TET2: variants seen among roughly 807,000 people sequenced by gnomAD.
TET2 encodes the protein tet methylcytosine dioxygenase 2.
In TET2, 299 loss-of-function variants were observed where a neutral mutation model predicts 142.9. The observed-to-expected ratio is 2.09, with a 90% CI of 1.90 to 2.30. The LOEUF is 2.30. Among genes scored for constraint, TET2 ranks in the 30% most tolerant of loss-of-function variants. TET2 has a pLI of 0.00. For missense variants in TET2, 2,418 were observed against 2,378.0 expected (o/e 1.02, Z -0.35); for synonymous variants, 819 against 849.0 (o/e 0.96, Z 0.61).
intron 3 of TET2, chr4:105,239,350 G>C: frequency 4.2e-6 from 1 of 240,428 alleles, no homozygotes; most frequent in East Asian, 6.4e-5. Context: ...GAAAGTCTTA[G>C]ATGGCACCTT....
Position 105,272,797 on chromosome 4 carries a change from G to GA in TET2, c.4419dup (p.Ala1474SerfsTer4). ...GCCGACAAAGGAAACTAGAAGCCAA[G>GA]AAAGCTGCAGCTGAAAAGCTTTCCT... On this transcript the variant is annotated frameshift_variant, in exon 10 of 11. Coordinates refer to ENST00000380013, the MANE Select transcript of TET2 (RefSeq NM_001127208.3). LOFTEE classifies it high-confidence loss of function. 6.4e-7 allele frequency: 1 copy of GA among 1,551,650 alleles called. No homozygotes were observed. Among genetic ancestry groups the GA allele is most frequent in the South Asian group, 1.2e-5 (1 of 84,062 alleles).
chr4:105,234,409 A>C lies in TET2; in HGVS notation c.467A>C (p.Gln156Pro). 6.2e-7 allele frequency: 1 copy of C among 1,614,052 alleles called. No individual in the cohort carries two copies. The highest frequency in any genetic ancestry group is 8.5e-7 in the Non-Finnish European group (1 of 1,180,002). ...DKKESVSSVA[Q>P]ENAVKDFTSF... ...AAAGAATCTGTGAGTTCTGTAGCCC[A>C]AGAAAATGCAGTTAAAGATTTCACC... The change falls in exon 3 of 11, where the codon CAA becomes CCA. Residue 156 changes from glutamine to proline, a missense_variant. Coordinates refer to ENST00000380013, the MANE Select transcript of TET2 (RefSeq NM_001127208.3).
At chr4:105,145,898 G>A (rs1287618753), upstream of TET2, 1 of 152,002 alleles carries the variant, frequency 6.6e-6, no homozygotes, top group Non-Finnish European at 1.5e-5. Context: ...GCCGGGGCGG[G>A]GAGAAACAGA....
chr4:105,265,605 A>G (rs1730646958), intron 8 of TET2, among the ~76,000 whole-genome samples: 1 of 152,302 alleles, frequency 6.6e-6, no homozygotes. Context: ...CCAAAGTTTT[A>G]TGAGGTTAGA....
intron 1 of TET2, among the ~76,000 whole-genome samples, chr4:105,147,271 G>A (rs151298498): frequency 2.6e-5 from 4 of 152,308 alleles, no homozygotes; most frequent in East Asian, 3.9e-4. Context: ...CGGTTTCCCG[G>A]CCTTTTTTAA....
chr4:105,244,880 G>A (rs1034560235), intron 6 of TET2, among the ~76,000 whole-genome samples: 11 of 152,172 alleles, frequency 7.2e-5, no homozygotes, highest in Non-Finnish European at 1.2e-4. Flanking sequence ...ATGAGCCGCC[G>A]CGCCTGGCCA....
At chr4:105,167,435 T>C (rs1422180026) in intron 1 of TET2, among the ~76,000 whole-genome samples, 2 of 151,908 alleles carry the variant, frequency 1.3e-5, no homozygotes, top group African/African-American at 2.4e-5. Flanking sequence ...ATGTAGTATA[T>C]GTACATGTAG....
At chr4:105,173,816 T>A (rs544200456) in intron 1 of TET2, among the ~76,000 whole-genome samples, 29 of 152,174 alleles carry the variant, frequency 1.9e-4, no homozygotes, top group Non-Finnish European at 4.1e-4. Flanking sequence ...CAAAGTGACA[T>A]ATAAACAAGA....
rs1417949048 is a variant in TET2 at position 105,241,057 on chromosome 4, T to C, written c.3410-282T>C. 2.8e-6 allele frequency: 3 copies of C among 1,068,828 alleles called. No individual in the cohort carries two copies. The African/African-American group carries it at 5.0e-5, about 18-fold the overall frequency. 66.2% of individuals were successfully genotyped at this position (1,068,828 alleles called of 1,614,324 possible). A position where few individuals can be genotyped will look rare whatever the true frequency, so the allele number is the denominator to read the frequency against. ...ATATAATACATTCTAATTCCCTCAC[T>C]GTATTCTTTGTTTAGTTTCATTTAT... On this transcript the variant is annotated intron_variant, in intron 3 of 10. Transcript: ENST00000380013.
chr4:105,214,470 C>CCT (rs1268228502), intron 2 of TET2, among the ~76,000 whole-genome samples: 1 of 130,580 alleles, frequency 7.7e-6, no homozygotes, highest in Non-Finnish European at 1.6e-5. Context: ...CCACACCTGG[C>CCT]ATTTTTTTTT....
chr4:105,186,160 G>A (rs1298198509), intron 1 of TET2, among the ~76,000 whole-genome samples: 1 of 152,092 alleles, frequency 6.6e-6, no homozygotes, highest in Non-Finnish European at 1.5e-5. Flanking sequence ...AGTCTGGGAG[G>A]TCAGTGCTGC....
At chr4:105,252,853 G>GA (rs1447844517) in intron 6 of TET2, among the ~76,000 whole-genome samples, 1 of 152,122 alleles carries the variant, frequency 6.6e-6, no homozygotes, top group East Asian at 1.9e-4. Flanking sequence ...TTTGCATGTG[G>GA]AGTTGTCCAG....
intron 3 of TET2, chr4:105,239,999 AGAAT>A (rs1439756773): frequency 2.9e-5 from 7 of 242,072 alleles, no homozygotes; most frequent in Non-Finnish European, 5.2e-5. Context: ...TAGAGCAGGC[AGAAT>A]GCACACAACA....
intron 1 of TET2, among the ~76,000 whole-genome samples, chr4:105,163,971 A>G (rs141179894): frequency 5.3e-5 from 8 of 152,204 alleles, no homozygotes; most frequent in African/African-American, 1.9e-4. Context: ...ATGTTTTAAT[A>G]TACATTGTGA....
chr4:105,185,385 A>G (rs1283503178), intron 1 of TET2, among the ~76,000 whole-genome samples: 3 of 152,258 alleles, frequency 2.0e-5, no homozygotes, highest in Non-Finnish European at 4.4e-5. Flanking sequence ...TTTGAAAATT[A>G]GATGACTTAG....
At chr4:105,271,431 G>A (rs907628355) in intron 9 of TET2, among the ~76,000 whole-genome samples, 1 of 150,120 alleles carries the variant, frequency 6.7e-6, no homozygotes, top group Non-Finnish European at 1.5e-5. Context: ...TGATGAGAAG[G>A]ATGTTTAGAA....
chr4:105,240,607 T>C (rs1729240992), intron 3 of TET2: 2 of 1,079,874 alleles, frequency 1.9e-6, no homozygotes, highest in Non-Finnish European at 2.3e-6. Context: ...GTGTGGTTAT[T>C]AAGTTGCCTC....
At chr4:105,229,804 G>T (rs1352366989) in intron 2 of TET2, among the ~76,000 whole-genome samples, 1 of 151,798 alleles carries the variant, frequency 6.6e-6, no homozygotes, top group Non-Finnish European at 1.5e-5. Flanking sequence ...GGTATAGGTT[G>T]TAGCATTCTT....
intron 2 of TET2, among the ~76,000 whole-genome samples, chr4:105,215,820 T>C (rs1272241927): frequency 6.6e-6 from 1 of 152,160 alleles, no homozygotes; most frequent in Non-Finnish European, 1.5e-5. Flanking sequence ...TGCCAACTCA[T>C]TTCTGGGGTT....
Sources: gnomAD v4.1 joint callset for allele counts (sites outside exome capture counted in the v4.1 genomes callset) on GRCh38, gnomAD v4.1.1 for gene constraint, MANE v1.5 for transcripts, NCBI Gene and HGNC (gene_info 2026-07-23, HGNC 2026-07-21) for gene names.